The following PLAC1 variants were observed in gnomAD, a reference collection of about 807,000 sequenced individuals.
The protein encoded by PLAC1 is placenta-specific protein 1.
For missense variants in PLAC1, 136 were observed against 163.2 expected (o/e 0.83, Z 0.91); for synonymous variants, 68 against 62.1 (o/e 1.09, Z -0.44).
intron 1 of PLAC1, among the ~76,000 whole-genome samples, chrX:134,650,263 T>C (rs777074775): frequency 1.8e-5 from 2 of 112,393 alleles, no homozygotes; most frequent in East Asian, 2.8e-4. Context: ...TGCTTTTCTC[T>C]TGTTAACTGT....
chrX:134,709,499 A>G (rs1279724617), intron 2 of PLAC1, among the ~76,000 whole-genome samples: 1 of 111,351 alleles, frequency 9.0e-6, no homozygotes, highest in Non-Finnish European at 1.9e-5. Flanking sequence ...GGTGGCGTGC[A>G]CCTGTAGTCC....
intron 2 of PLAC1, among the ~76,000 whole-genome samples, chrX:134,728,057 C>G (rs1402861844): frequency 9.0e-6 from 1 of 111,375 alleles, no homozygotes; most frequent in East Asian, 2.8e-4. Context: ...AAAGAATCAG[C>G]AAATTTGAAG....
intron 1 of PLAC1, among the ~76,000 whole-genome samples, chrX:134,606,695 G>A (rs1447021508): frequency 8.9e-6 from 1 of 112,066 alleles, no homozygotes; most frequent in Non-Finnish European, 1.9e-5. Flanking sequence ...CGATCCAGGA[G>A]TCCCACTACT....
intron 1 of PLAC1, among the ~76,000 whole-genome samples, chrX:134,625,973 C>A (rs1303271412): frequency 9.0e-6 from 1 of 111,174 alleles, no homozygotes; most frequent in Non-Finnish European, 1.9e-5. Context: ...TCTCTGGAAC[C>A]CATCTGGTCC....
At chrX:134,748,330 C>CAA (rs748380889) in intron 1 of PLAC1, among the ~76,000 whole-genome samples, 5 of 48,168 alleles carry the variant, frequency 1.0e-4, no homozygotes, top group Non-Finnish European at 1.6e-4. Context: ...GACTCCATCT[C>CAA]AAAAAAAAAA....
intron 1 of PLAC1, among the ~76,000 whole-genome samples, chrX:134,653,149 G>C (rs59199593): frequency 8.9e-6 from 1 of 112,427 alleles, no homozygotes; most frequent in Admixed American, 9.4e-5. Context: ...TCCTGGCCCA[G>C]GCCCCTCATA....
Position 134,578,188 on chromosome X carries a change from C to T in PLAC1, c.-58-11448G>A, listed in dbSNP as rs924643385. Reference sequence around the variant, plus strand: ...CAGCACTTTGGGAGGCCCAGGTGGGCGGATCACAAGGTCAGGAGATGGAGA... The same window carrying T: ...CAGCACTTTGGGAGGCCCAGGTGGGTGGATCACAAGGTCAGGAGATGGAGA... On this transcript the variant is annotated intron_variant, in intron 2 of 2. Coordinates refer to ENST00000359237, the MANE Select transcript of PLAC1 (RefSeq NM_021796.4). Among the ~76,000 whole-genome samples the T allele has an allele frequency of 1.4e-4, 15 of 110,910 alleles. No individual in the cohort carries two copies. In the East Asian group the frequency reaches 4.3e-3, roughly 32 times the overall value.
chrX:134,604,839 G>T (rs1370978130), intron 1 of PLAC1, among the ~76,000 whole-genome samples: 7 of 111,329 alleles, frequency 6.3e-5, no homozygotes, highest in Admixed American at 9.5e-5. Flanking sequence ...ACTGCCCTTT[G>T]TAAGCTCCCA....
chrX:134,657,054 G>A (rs992306839), intron 1 of PLAC1, among the ~76,000 whole-genome samples: 44 of 112,221 alleles, frequency 3.9e-4, no homozygotes, highest in African/African-American at 1.4e-3. Flanking sequence ...TCACTTGACC[G>A]TGAGAAGATG....
upstream of PLAC1, among the ~76,000 whole-genome samples, chrX:134,662,581 G>A (rs1230860136): frequency 8.9e-6 from 1 of 112,201 alleles, no homozygotes; most frequent in Non-Finnish European, 1.9e-5. Context: ...ACAAGCAAAG[G>A]ATGATTTTTA....
At chrX:134,683,795 A>G (rs2078506662) in intron 2 of PLAC1, among the ~76,000 whole-genome samples, 1 of 112,310 alleles carries the variant, frequency 8.9e-6, no homozygotes, top group South Asian at 3.8e-4. Flanking sequence ...CACAAAGTCA[A>G]TACTGGCTCT....
At chrX:134,718,542 G>A (rs2078649581) in intron 2 of PLAC1, among the ~76,000 whole-genome samples, 1 of 112,055 alleles carries the variant, frequency 8.9e-6, no homozygotes, top group Non-Finnish European at 1.9e-5. Context: ...ACAAGAACAC[G>A]TGGCTCAAGC....
chrX:134,762,199 C>G (rs570065615), intron 1 of PLAC1, among the ~76,000 whole-genome samples: 2 of 107,279 alleles, frequency 1.9e-5, no homozygotes, highest in South Asian at 4.3e-4. Flanking sequence ...TTGAGGCACC[C>G]CCCCCCCAAT....
At chrX:134,666,393 C>T (rs1034312395) in intron 2 of PLAC1, among the ~76,000 whole-genome samples, 6 of 110,204 alleles carry the variant, frequency 5.4e-5, no homozygotes, top group South Asian at 3.9e-4. Flanking sequence ...GCTGTGTGAC[C>T]GGCAAAGAAG....
At chrX:134,648,298 G>A (rs946185399) in intron 1 of PLAC1, among the ~76,000 whole-genome samples, 6 of 111,286 alleles carry the variant, frequency 5.4e-5, no homozygotes, top group African/African-American at 2.0e-4. Flanking sequence ...GAGGGGACAA[G>A]GGAATGAAAG....
At chrX:134,704,291 C>T (rs1266244596) in intron 2 of PLAC1, among the ~76,000 whole-genome samples, 3 of 107,152 alleles carry the variant, frequency 2.8e-5, no homozygotes, top group Non-Finnish European at 5.8e-5. Context: ...GTCAGGAATT[C>T]GAGACCAGAC....
chrX:134,713,867 A>C (rs1386598109), intron 2 of PLAC1, among the ~76,000 whole-genome samples: 4 of 111,639 alleles, frequency 3.6e-5, no homozygotes, highest in Non-Finnish European at 5.7e-5. Context: ...GGTCCCGTGA[A>C]GAGGTGGGTC....
intron 1 of PLAC1, among the ~76,000 whole-genome samples, chrX:134,740,677 A>G (rs1196907640): frequency 1.8e-5 from 2 of 111,882 alleles, no homozygotes; most frequent in Admixed American, 9.5e-5. Flanking sequence ...AGATGAGTTC[A>G]TCCTGGATTA....
chrX:134,603,095 C>T (rs768780200), intron 1 of PLAC1, among the ~76,000 whole-genome samples: 4 of 101,736 alleles, frequency 3.9e-5, no homozygotes, highest in African/African-American at 1.4e-4. Flanking sequence ...TAGATAATGT[C>T]CAAAATGGAT....
Sources: allele counts gnomAD v4.1 joint callset (sites outside exome capture counted in the v4.1 genomes callset), GRCh38; gene constraint gnomAD v4.1.1; transcripts MANE v1.5; gene names NCBI Gene and HGNC (gene_info 2026-07-23, HGNC 2026-07-21).